Variants in SLC38A8 observed in about 807,000 individuals in gnomAD.
SLC38A8 encodes solute carrier family 38 member 8, also known as amino acid transporter SLC38A8.
SLC38A8 carries 65 observed loss-of-function variants against 46.0 expected under a neutral mutation model. The ratio of observed to expected loss-of-function variants is 1.41; its 90% CI spans 1.16 to 1.74. The LOEUF (loss-of-function observed/expected upper bound fraction) is 1.74, where lower values mean the gene tolerates loss of function less well. Ranked by LOEUF, SLC38A8 falls within the 40% of genes most tolerant of loss-of-function variation. The pLI, the probability that SLC38A8 is intolerant of heterozygous loss-of-function variation, is 0.00. For missense variants in SLC38A8, 998 were observed against 567.9 expected (o/e 1.76, Z -7.70); for synonymous variants, 447 against 243.7 (o/e 1.83, Z -7.77).
chr16:84,032,737 C>CAGGGAAA (rs2085257128), intron 4 of SLC38A8, among the ~76,000 whole-genome samples: 1 of 152,224 alleles, frequency 6.6e-6, no homozygotes, highest in South Asian at 2.1e-4. Context: ...ATTGTTCATA[C>CAGGGAAA]ACAACAGGGA....
chr16:84,038,586 G>A (rs1013727328), intron 2 of SLC38A8, among the ~76,000 whole-genome samples: 1 of 152,178 alleles, frequency 6.6e-6, no homozygotes, highest in Non-Finnish European at 1.5e-5. Flanking sequence ...TTCTCTTGTA[G>A]GGTGAATATT....
In SLC38A8 at chr16:84,017,115, T is replaced by G. The variant is rs1380205818; in HGVS notation, c.953+25A>C. 3 of 1,612,878 alleles carry G rather than the reference T, an allele frequency of 1.9e-6. No homozygotes were observed. In the East Asian group the frequency reaches 6.7e-5, roughly 36 times the overall value. ...CACATCAGCAGACCATGCTTCACGG[T>G]GCCCCCCACTGAGCCAGGCCTCACC... On this transcript the variant is annotated intron_variant, in intron 8 of 10. Transcript: ENST00000299709.
chr16:84,021,386 G>C (rs58108683), intron 7 of SLC38A8, among the ~76,000 whole-genome samples: 6 of 151,958 alleles, frequency 3.9e-5, no homozygotes, highest in Non-Finnish European at 7.4e-5. Flanking sequence ...TTCAAGTTCA[G>C]CCTTCCACAA....
Position 84,015,045 on chromosome 16 carries a change from A to G in SLC38A8, c.1162+1474T>C, listed in dbSNP as rs182355459. Among the ~76,000 whole-genome samples the G allele has an allele frequency of 3.0e-4, 45 of 152,228 alleles. No individual in the cohort carries two copies. The East Asian group carries it at 8.1e-3, about 27-fold the overall frequency. Reference sequence around the variant, plus strand: ...ATCTACTTCTTGTCTGTTTGACATAACGGCTGCATCAGGGTGTTGGGGATA... The same window carrying G: ...ATCTACTTCTTGTCTGTTTGACATAGCGGCTGCATCAGGGTGTTGGGGATA... On this transcript the variant is annotated intron_variant, in intron 9 of 10. Coordinates refer to ENST00000299709, the MANE Select transcript of SLC38A8 (RefSeq NM_001080442.3).
At chr16:84,021,509 G>A (rs531661991) in intron 7 of SLC38A8, among the ~76,000 whole-genome samples, 5 of 152,282 alleles carry the variant, frequency 3.3e-5, no homozygotes, top group African/African-American at 1.2e-4. Flanking sequence ...AACCTCCTCA[G>A]AACAGACTTT....
intron 4 of SLC38A8, among the ~76,000 whole-genome samples, chr16:84,032,908 G>A (rs936944720): frequency 2.1e-5 from 2 of 96,104 alleles, no homozygotes; most frequent in Non-Finnish European, 4.0e-5. Context: ...GTGGGTGGGT[G>A]AGCATGGGTG....
chr16:84,011,427 C>T lies in SLC38A8; in HGVS notation c.1215-1550G>A, dbSNP rs148713381. 6.8e-4 allele frequency among the ~76,000 whole-genome samples: 104 copies of T among 152,286 alleles called. 1 individual carries two copies. Among genetic ancestry groups the T allele is most frequent in the African/African-American group, 2.1e-3 (87 of 41,546 alleles). On this transcript the variant is annotated intron_variant, in intron 10 of 10. Coordinates refer to ENST00000299709, the MANE Select transcript of SLC38A8 (RefSeq NM_001080442.3). ...CATCCAGAAACACTGCTCTCAAATC[C>T]AGAAGAAACCGGGCCAGGCCTGCTC...
intron 8 of SLC38A8, 110 bp from the exon 9 acceptor site, chr16:84,016,837 G>T: frequency 1.6e-6 from 2 of 1,230,086 alleles, no homozygotes; most frequent in Non-Finnish European, 2.2e-6. Flanking sequence ...CAGTGCTCCT[G>T]TTCCACACTC....
At chr16:84,015,503 G>C (rs912777510) in intron 9 of SLC38A8, among the ~76,000 whole-genome samples, 1 of 151,968 alleles carries the variant, frequency 6.6e-6, no homozygotes, top group Non-Finnish European at 1.5e-5. Flanking sequence ...CTTTTAGCAG[G>C]AGGCACCAGC....
chr16:84,009,785 C>G lies in SLC38A8; in HGVS notation c.1307G>C (p.Ter436SerextTer33). The change falls in exon 11 of 11, where the codon TGA (stop) becomes TCA (serine). Residue 436 changes from the stop codon to serine, a stop_lost. Transcript: ENST00000299709. ...STAAAVWEMF[*>S] ...TTCCTGCCCGGCACTAGCTGCCCAT[C>G]AGAACATCTCCCAGACCGCTGCCGC... The G allele has an allele frequency of 7.4e-6, 12 of 1,613,582 alleles. No homozygotes were observed. The highest frequency in any genetic ancestry group is 2.2e-5 in the East Asian group (1 of 44,858).
Position 84,031,868 on chromosome 16 carries a change from T to G in SLC38A8, c.631A>C (p.Ser211Arg), listed in dbSNP as rs2085243544. 2 of 1,613,708 alleles carry G rather than the reference T, an allele frequency of 1.2e-6. No homozygotes were observed. Among genetic ancestry groups the G allele is most frequent in the Non-Finnish European group, 1.7e-6 (2 of 1,179,824 alleles). The change falls in exon 5 of 11, where the codon AGC (serine) becomes CGC (arginine). Residue 211 changes from serine (S) to arginine (R), a missense_variant and splice_region_variant. By Grantham distance (110) the Ser-to-Arg change is moderately radical. Transcript: ENST00000299709. ...CGGAAGCTGTTCCCTCAGACTTACC[T>G]CAGTGAAGGATGGGACTCACGCACG... ...GLVRESHPSL[S>R]PASWTSVFSV...
chr16:84,023,141 TTTC>T (rs78001770), intron 6 of SLC38A8, among the ~76,000 whole-genome samples: 16,765 of 151,910 alleles, frequency 0.11, 1,000 homozygotes, highest in South Asian at 0.17. Flanking sequence ...CTCGCATTCC[TTTC>T]CTTATTTTTT....
rs1395896298 is a variant in SLC38A8 at position 84,016,695 on chromosome 16, C to A, written c.986G>T (p.Cys329Phe). 2.5e-6 allele frequency: 4 copies of A among 1,613,148 alleles called. No homozygotes were observed. The highest frequency in any genetic ancestry group is 3.4e-6 in the Non-Finnish European group (4 of 1,179,956). The part of the protein sequence containing the change: ...SVMQDFWRRS[C>F]LGGWGPSALA... ...GGCGCTGGGCCCCCATCCCCCCAAGCAGCTCCTCCTCCAGAAGTCCTGCAT... is the reference window on the plus strand; with the variant it reads ...GGCGCTGGGCCCCCATCCCCCCAAGAAGCTCCTCCTCCAGAAGTCCTGCAT... The change falls in exon 9 of 11, where the codon TGC becomes TTC. Residue 329 changes from cysteine to phenylalanine, a missense_variant. Transcript: ENST00000299709.
intron 6 of SLC38A8, among the ~76,000 whole-genome samples, chr16:84,026,161 G>T (rs2085161973): frequency 6.6e-6 from 1 of 152,268 alleles, no homozygotes; most frequent in South Asian, 2.1e-4. Flanking sequence ...AGTAGTGCCA[G>T]ACAGGTTGGT....
At chr16:84,025,142 G>C (rs1247838663) in intron 6 of SLC38A8, among the ~76,000 whole-genome samples, 1 of 123,884 alleles carries the variant, frequency 8.1e-6, no homozygotes, top group Non-Finnish European at 1.8e-5. Context: ...GCTCTGTCCA[G>C]ACACACCGGG....
At chr16:84,013,500 G>A (rs1219468889) in intron 9 of SLC38A8, among the ~76,000 whole-genome samples, 1 of 128,302 alleles carries the variant, frequency 7.8e-6, no homozygotes, top group Non-Finnish European at 1.5e-5. Context: ...GCACCATCTC[G>A]GCTCACTGCA....
intron 10 of SLC38A8, among the ~76,000 whole-genome samples, chr16:84,012,736 G>C (rs1411043109): frequency 6.6e-6 from 1 of 152,226 alleles, no homozygotes; most frequent in Non-Finnish European, 1.5e-5. Flanking sequence ...GGTGCTTCCA[G>C]AGGCTGGAAT....
intron 6 of SLC38A8, among the ~76,000 whole-genome samples, chr16:84,028,380 A>C (rs1311705956): frequency 1.3e-5 from 2 of 151,978 alleles, no homozygotes; most frequent in South Asian, 2.1e-4. Context: ...CAGGAGTTCA[A>C]GACCAGCCTG....
Position 84,042,125 on chromosome 16 carries a change from A to G in SLC38A8, c.33T>C (p.Leu11=). The G allele has an allele frequency of 3.7e-6, 6 of 1,613,508 alleles. No homozygotes were observed. The highest frequency in any genetic ancestry group is 5.1e-6 in the Non-Finnish European group (6 of 1,179,812). Residue 11 remains leucine (L), a synonymous_variant, in exon 2 of 11, where the codon CTT becomes CTC. Transcript: ENST00000299709. MEGQTPGSRG[L]PEKPHPATAA... ...CCGTGGCAGGGTGAGGCTTTTCTGG[A>G]AGGCCCCTGCTTCCTGGGGTCTGTC...
Sources: allele counts gnomAD v4.1 joint callset (sites outside exome capture counted in the v4.1 genomes callset), GRCh38; gene constraint gnomAD v4.1.1; transcripts MANE v1.5; gene names NCBI Gene and HGNC (gene_info 2026-07-23, HGNC 2026-07-21).